Variants in CD1C observed in about 807,000 individuals in gnomAD.
CD1C encodes CD1c molecule, also known as T-cell surface glycoprotein CD1c.
In CD1C, 47 loss-of-function variants were observed where a neutral mutation model predicts 39.4. That is an observed-to-expected ratio of 1.19 (90% CI 0.94 to 1.52). The LOEUF is 1.52. Among genes scored for constraint, CD1C ranks in the 40% most tolerant of loss-of-function variants. The probability of loss-of-function intolerance (pLI) is 0.00; values close to 1 mark genes in which losing one functional copy is unlikely to be tolerated. For synonymous variants in CD1C, 165 were observed against 150.8 expected (o/e 1.09, Z -0.69); for missense variants, 417 against 395.2 (o/e 1.06, Z -0.47).
intron 2 of CD1C, 36 bp downstream of exon 2, chr1:158,291,436 G>C: frequency 6.2e-7 from 1 of 1,600,440 alleles, no homozygotes; most frequent in Non-Finnish European, 8.6e-7. Context: ...GAGTTCTTTA[G>C]AATGTTCTAT....
Position 158,290,142 on chromosome 1 carries a change from C to T in CD1C, c.61+17C>T, listed in dbSNP as rs764637321. The T allele has an allele frequency of 1.2e-6, 2 of 1,611,342 alleles. No homozygotes were observed. On this transcript the variant is annotated intron_variant, in intron 1 of 5. Transcript: ENST00000368170. ...ATGCAGACGGTAAGAACATCGCTGTCAGCTGCAAGGTTACATGTATCTGGG... is the reference window on the plus strand; with the variant it reads ...ATGCAGACGGTAAGAACATCGCTGTTAGCTGCAAGGTTACATGTATCTGGG...
chr1:158,292,387 C>A, intron 3 of CD1C, 22 bp downstream of exon 3: 1 of 1,599,726 alleles, frequency 6.3e-7, no homozygotes, highest in East Asian at 2.2e-5. Flanking sequence ...CAGCCCCTTC[C>A]TCTAAGATTT....
Position 158,293,293 on chromosome 1 carries a change from A to G in CD1C, c.971A>G (p.Lys324Arg), listed in dbSNP as rs774439785. ...VILIVLVLWFKKHCSYQDIL is the reference protein window; with the variant it reads ...VILIVLVLWFRKHCSYQDIL ...CTAATAGTCCTTGTGTTATGGTTTA[A>G]GAAGCACTGGTGAGTTTTTTGTATT... The change falls in exon 5 of 6, where the codon AAG becomes AGG. Residue 324 changes from lysine (K) to arginine (R), a missense_variant. Physicochemically the swap from Lys to Arg is conservative, Grantham distance 26. Transcript: ENST00000368170. 6.2e-7 allele frequency: 1 copy of G among 1,613,628 alleles called. No individual in the cohort carries two copies. Among genetic ancestry groups the G allele is most frequent in the Non-Finnish European group, 8.5e-7 (1 of 1,179,678 alleles).
rs943998175 is a variant in CD1C, at chr1:158,292,026, A to C, written c.329-58A>C. Reference sequence around the variant, plus strand: ...CTTCCTGATACAGCCCTAGGTTTTTATACTGTTGTTTTCACTTTTTTGTTT... The same window carrying C: ...CTTCCTGATACAGCCCTAGGTTTTTCTACTGTTGTTTTCACTTTTTTGTTT... On this transcript the variant is annotated intron_variant, in intron 2 of 5. Transcript: ENST00000368170. 3.3e-6 allele frequency: 5 copies of C among 1,530,454 alleles called. No homozygotes were observed. In the African/African-American group the frequency reaches 6.9e-5, roughly 21 times the overall value. 94.8% of individuals were successfully genotyped at this position (1,530,454 alleles called of 1,614,324 possible). A position where few individuals can be genotyped will look rare whatever the true frequency, so the allele number is the denominator to read the frequency against.
Position 158,292,577 on chromosome 1 carries a change from C to T in CD1C, c.611-19C>T, listed in dbSNP as rs185843886. The T allele has an allele frequency of 2.6e-5, 42 of 1,607,696 alleles. No homozygotes were observed. The Admixed American group carries it at 5.0e-4, about 19-fold the overall frequency. On this transcript the variant is annotated intron_variant, in intron 3 of 5. Coordinates refer to ENST00000368170, the MANE Select transcript of CD1C (RefSeq NM_001765.3). ...GTGTGTAAGTTTCTTCATCAGAACA[C>T]TTTTTCTGCTCTCTGCAGTGAGGCC...
Position 158,291,219 on chromosome 1 carries a change from G to A in CD1C, c.147G>A (p.Trp49Ter), listed in dbSNP as rs1449720425. The A allele has an allele frequency of 1.2e-6, 2 of 1,613,904 alleles. No individual in the cohort carries two copies. The highest frequency in any genetic ancestry group is 2.7e-5 in the African/African-American group (2 of 74,842). The change falls in exon 2 of 6, where the codon TGG becomes TGA. Residue 49 changes from tryptophan to a stop codon, truncating the protein, a stop_gained. Coordinates refer to ENST00000368170, the MANE Select transcript of CD1C (RefSeq NM_001765.3). LOFTEE classifies it high-confidence loss of function. ...QSWARGQGSG[W>*]LDELQTHGWD... ...GGGCACGAGGTCAGGGCTCAGGATG[G>A]CTGGACGAGTTGCAGACTCATGGCT...
intron 4 of CD1C, 87 bp downstream of exon 4, chr1:158,292,961 T>A: frequency 7.6e-7 from 1 of 1,322,426 alleles, no homozygotes; most frequent in Non-Finnish European, 1.1e-6. Flanking sequence ...CAGACCTAGG[T>A]GAGGGATTGT....
intron 2 of CD1C, 79 bp downstream of exon 2, chr1:158,291,479 C>T: frequency 1.4e-6 from 2 of 1,423,370 alleles, no homozygotes; most frequent in Non-Finnish European, 2.0e-6. Flanking sequence ...ATTTTTGGGC[C>T]ATTTCCCATT....
Position 158,292,292 on chromosome 1 carries a change from T to C in CD1C, c.537T>C (p.Asn179=). 6.2e-7 allele frequency: 1 copy of C among 1,614,204 alleles called. No individual in the cohort carries two copies. The highest frequency in any genetic ancestry group is 8.5e-7 in the Non-Finnish European group (1 of 1,180,030). ...AAGGCGTCACAGAAACAGTGTATAA[T>C]CTCATAAGAAGCACTTGCCCCCGAT... is the stretch of plus-strand genomic sequence containing the variant. ...QYEGVTETVY[N]LIRSTCPRFL... is the part of the protein sequence containing the mutation. Residue 179 remains asparagine, a synonymous_variant, in exon 3 of 6, where the codon AAT becomes AAC. Transcript: ENST00000368170.
In CD1C at chr1:158,293,718, C is replaced by A. The variant is rs573025623; in HGVS notation, c.*242C>A. 1.1e-3 allele frequency: 955 copies of A among 901,406 alleles called. 1 individual carries two copies. Among genetic ancestry groups the A allele is most frequent in the Non-Finnish European group, 1.4e-3 (850 of 588,786 alleles). The allele number at this position is 901,406 out of a possible 1,614,324, so 55.8% of individuals were successfully genotyped here. A position where few individuals can be genotyped will look rare whatever the true frequency, so the allele number is the denominator to read the frequency against. On this transcript the variant is annotated 3_prime_UTR_variant, in exon 6 of 6. Transcript: ENST00000368170. Reference sequence around the variant, plus strand: ...CATTTCCTCCAACGATCTTCCTTGACCCATACTGAACCCAGAGAGCCCCTC... The same window carrying A: ...CATTTCCTCCAACGATCTTCCTTGAACCATACTGAACCCAGAGAGCCCCTC...
intron 2 of CD1C, 104 bp from the exon 3 acceptor site, chr1:158,291,980 A>G (rs2101659030): frequency 1.7e-6 from 2 of 1,149,692 alleles, no homozygotes; most frequent in Non-Finnish European, 2.5e-6. Flanking sequence ...TCTCACATCC[A>G]TGTAAAACTT....
At chr1:158,291,647 A>G (rs1296187044) in intron 2 of CD1C, among the ~76,000 whole-genome samples, 1 of 152,116 alleles carries the variant, frequency 6.6e-6, no homozygotes, top group Non-Finnish European at 1.5e-5. Flanking sequence ...CCTACAATCC[A>G]GAGATACACA....
Position 158,290,021 on chromosome 1 carries a change from T to G in CD1C, c.-44T>G. 6.3e-7 allele frequency: 1 copy of G among 1,585,902 alleles called. No individual in the cohort carries two copies. Among genetic ancestry groups the G allele is most frequent in the Non-Finnish European group, 8.7e-7 (1 of 1,154,608 alleles). On this transcript the variant is annotated 5_prime_UTR_variant, in exon 1 of 6. Transcript: ENST00000368170. ...GGGATAAGTTTGCTAAGAACAGAGA[T>G]CAGCAAACAGCTTTTCTGAGAGAAA...
At chr1:158,291,526 T>C (rs971312650) in intron 2 of CD1C, 126 bp downstream of exon 2, 22 of 926,738 alleles carry the variant, frequency 2.4e-5, no homozygotes, top group Non-Finnish European at 3.3e-5. Flanking sequence ...TAGATGAACC[T>C]TTTAAGGGAT....
Position 158,289,960 on chromosome 1 carries a change from A to G in CD1C, c.-105A>G, listed in dbSNP as rs1650974393. The G allele has an allele frequency of 9.9e-6, 10 of 1,010,746 alleles. No individual in the cohort carries two copies. The East Asian group carries it at 2.0e-4, about 20-fold the overall frequency. The allele number at this position is 1,010,746 out of a possible 1,614,324, so 62.6% of individuals were successfully genotyped here. On this transcript the variant is annotated 5_prime_UTR_variant, in exon 1 of 6. Coordinates refer to ENST00000368170, the MANE Select transcript of CD1C (RefSeq NM_001765.3). ...TTGCTGTCAGCGGCTGATGGGGAAG[A>G]TTGTTGGTAGAAGGAAGTCAGAATA...
chr1:158,291,166 C>A lies in CD1C; in HGVS notation c.94C>A (p.Gln32Lys), dbSNP rs557074201. Reference protein sequence around the residue: ...SQEHVSFHVIQIFSFVNQSWA... With the variant: ...SQEHVSFHVIKIFSFVNQSWA... Reference sequence around the variant, plus strand: ...GGAACACGTCTCCTTCCATGTCATCCAGATCTTCTCATTTGTCAACCAATC... The same window carrying A: ...GGAACACGTCTCCTTCCATGTCATCAAGATCTTCTCATTTGTCAACCAATC... The change falls in exon 2 of 6, where the codon CAG (glutamine) becomes AAG (lysine). Residue 32 changes from glutamine to lysine, a missense_variant. By Grantham distance (53) the Gln-to-Lys change is moderately conservative. Transcript: ENST00000368170. The A allele has an allele frequency of 6.2e-7, 1 of 1,613,640 alleles. No homozygotes were observed. Among genetic ancestry groups the A allele is most frequent in the Admixed American group, 1.7e-5 (1 of 59,940 alleles).
Position 158,293,771 on chromosome 1 carries a change from A to G in CD1C, c.*295A>G. 1 of 576,068 alleles carries G rather than the reference A, an allele frequency of 1.7e-6. No individual in the cohort carries two copies. The highest frequency in any genetic ancestry group is 3.0e-5 in the Admixed American group (1 of 33,020). The allele number at this position is 576,068 out of a possible 1,614,324, so 35.7% of individuals were successfully genotyped here. A position where few individuals can be genotyped will look rare whatever the true frequency, so the allele number is the denominator to read the frequency against. ...CTGTTATGTGCATGCAACACTTCCT[A>G]CCCTGTGTTGCAGCTACTTGAGTCT... is the stretch of plus-strand genomic sequence containing the variant. On this transcript the variant is annotated 3_prime_UTR_variant, in exon 6 of 6. Transcript: ENST00000368170.
chr1:158,291,466 C>T lies in CD1C; in HGVS notation c.328+66C>T, dbSNP rs959345052. The T allele has an allele frequency of 2.6e-6, 4 of 1,542,198 alleles. No individual in the cohort carries two copies. In the African/African-American group the frequency reaches 5.5e-5, roughly 21 times the overall value. On this transcript the variant is annotated intron_variant, in intron 2 of 5. Transcript: ENST00000368170. Reference sequence around the variant, plus strand: ...TTCTATTTCAGGGAAATATTCTCTACTAATTTTTGGGCCATTTCCCATTAT... The same window carrying T: ...TTCTATTTCAGGGAAATATTCTCTATTAATTTTTGGGCCATTTCCCATTAT...
At chr1:158,292,963 AG>A (rs1241701149) in intron 4 of CD1C, 89 bp downstream of exon 4, 6 of 1,276,118 alleles carry the variant, frequency 4.7e-6, no homozygotes, top group Non-Finnish European at 6.6e-6. Context: ...GACCTAGGTG[AG>A]GGATTGTAGG....
Sources: gnomAD v4.1 joint callset for allele counts (sites outside exome capture counted in the v4.1 genomes callset) on GRCh38, gnomAD v4.1.1 for gene constraint, MANE v1.5 for transcripts, NCBI Gene and HGNC (gene_info 2026-07-23, HGNC 2026-07-21) for gene names.